Variants in SCGB1D4 observed in about 807,000 individuals in gnomAD.
SCGB1D4 encodes secretoglobin family 1D member 4.
SCGB1D4 carries 6 observed loss-of-function variants against 8.1 expected under a neutral mutation model. The ratio of observed to expected loss-of-function variants is 0.74; its 90% CI spans 0.40 to 1.45. The LOEUF (loss-of-function observed/expected upper bound fraction) is 1.45, where lower values mean the gene tolerates loss of function less well. Among genes scored for constraint, SCGB1D4 ranks in the 40% most tolerant of loss-of-function variants. SCGB1D4 has a pLI of 0.02. For missense variants in SCGB1D4, 93 were observed against 95.0 expected, an observed-to-expected ratio of 0.98 and a Z score of 0.09; for synonymous variants, 34 against 38.1, an observed-to-expected ratio of 0.89 and a Z score of 0.39.
At position 62,299,054 on chromosome 11, in the gene SCGB1D4, T is replaced by C; in HGVS notation, c.-44A>G. ...GAGCTCAGCTTTCACAATGAGTGATTTGGATTCGACTCCAGGAGCCTGTGT... is the reference window on the plus strand; with the variant it reads ...GAGCTCAGCTTTCACAATGAGTGATCTGGATTCGACTCCAGGAGCCTGTGT... On this transcript the variant is annotated 5_prime_UTR_variant, in exon 1 of 3. Transcript: ENST00000358585. 6.2e-7 allele frequency: 1 copy of C among 1,601,682 alleles called. No homozygotes were observed. Among genetic ancestry groups the C allele is most frequent in the Non-Finnish European group, 8.5e-7 (1 of 1,171,530 alleles).
At chr11:62,298,047 T>TGTGTGTGTG (rs1218181621) in intron 1 of SCGB1D4, among the ~76,000 whole-genome samples, 2 of 103,348 alleles carry the variant, frequency 1.9e-5, no homozygotes, top group African/African-American at 7.9e-5. Flanking sequence ...TGTGTGTGTG[T>TGTGTGTGTG]TTTGTTTTGT....
chr11:62,297,625 T>A lies in SCGB1D4; in HGVS notation c.89A>T (p.Glu30Val), dbSNP rs745843502. The A allele has an allele frequency of 1.1e-4, 184 of 1,613,880 alleles. 6 individuals carry two copies. The South Asian group carries it at 1.8e-3, about 16-fold the overall frequency. The change falls in exon 2 of 3, where the codon GAG becomes GTG. Residue 30 changes from glutamate to valine, a missense_variant. Transcript: ENST00000358585. ...HALVCPAVAS[E>V]ITVFLFLSDA... ...ACTTAAGAATAAGAAGACTGTGATC[T>A]CAGAAGCAACAGCTGGGCAGACAAG... is the stretch of plus-strand genomic sequence containing the variant.
chr11:62,298,287 G>A (rs1030109743), intron 1 of SCGB1D4, among the ~76,000 whole-genome samples: 1 of 152,012 alleles, frequency 6.6e-6, no homozygotes, highest in Non-Finnish European at 1.5e-5. Context: ...CAAGGAGGGT[G>A]AGCATTGTGC....
intron 1 of SCGB1D4, among the ~76,000 whole-genome samples, chr11:62,298,041 TGTGTG>T (rs1565139735): frequency 1.3e-4 from 19 of 143,088 alleles, no homozygotes; most frequent in African/African-American, 5.2e-4. Flanking sequence ...TGTGTGTGTG[TGTGTG>T]TTTTGTTTTG....
chr11:62,296,393 C>T lies in SCGB1D4; in HGVS notation c.*17G>A. ...CCAGGTTGAGCATTTTTACATGTCA[C>T]ACACCACATTTTTTCACTATTTCCA... On this transcript the variant is annotated 3_prime_UTR_variant, in exon 3 of 3. Transcript: ENST00000358585. 6.2e-7 allele frequency: 1 copy of T among 1,611,422 alleles called. No homozygotes were observed.
chr11:62,297,357 TC>T, intron 2 of SCGB1D4, 114 bp downstream of exon 2: 1 of 846,144 alleles, frequency 1.2e-6, no homozygotes, highest in Non-Finnish European at 1.9e-6. Context: ...ACTCCCCATG[TC>T]CTCAGCACAC....
chr11:62,299,061 C>A lies in SCGB1D4; in HGVS notation c.-51G>T. On this transcript the variant is annotated 5_prime_UTR_variant, in exon 1 of 3. Coordinates refer to ENST00000358585, the MANE Select transcript of SCGB1D4 (RefSeq NM_206998.2). Reference sequence around the variant, plus strand: ...GCTTTCACAATGAGTGATTTGGATTCGACTCCAGGAGCCTGTGTAGTCATG... The same window carrying A: ...GCTTTCACAATGAGTGATTTGGATTAGACTCCAGGAGCCTGTGTAGTCATG... The A allele has an allele frequency of 6.3e-7, 1 of 1,590,098 alleles. No individual in the cohort carries two copies. Among genetic ancestry groups the A allele is most frequent in the South Asian group, 1.1e-5 (1 of 88,584 alleles).
At chr11:62,298,756 CA>C (rs5792251) in intron 1 of SCGB1D4, among the ~76,000 whole-genome samples, 199 bp downstream of exon 1, 35,751 of 102,026 alleles carry the variant, frequency 0.35, 4,789 homozygotes, top group African/African-American at 0.45. Flanking sequence ...CAAAACTTCT[CA>C]AAAAAAAAAA....
chr11:62,297,768 A>G, intron 1 of SCGB1D4, 110 bp from the exon 2 acceptor site: 3 of 831,984 alleles, frequency 3.6e-6, no homozygotes, highest in Non-Finnish European at 5.6e-6. Flanking sequence ...TTTCTATACC[A>G]TTATTGTGCT....
intron 2 of SCGB1D4, 28 bp from the exon 3 acceptor site, chr11:62,296,447 A>G: frequency 1.9e-6 from 3 of 1,608,776 alleles, no homozygotes; most frequent in Non-Finnish European, 2.5e-6. Context: ...AAAGAAAGAA[A>G]GAAAGGTGAG....
At chr11:62,298,345 C>CGT (rs1945461378) in intron 1 of SCGB1D4, among the ~76,000 whole-genome samples, 1 of 152,124 alleles carries the variant, frequency 6.6e-6, no homozygotes, top group African/African-American at 2.4e-5. Context: ...CACCCCAGAC[C>CGT]TCACATTACA....
rs202097222 is a variant in SCGB1D4 at position 62,298,948 on chromosome 11, G to A, written c.55+8C>T. The stretch of plus-strand genomic sequence containing the variant: ...GGCTGGTGCTGGACTCATGACTGAT[G>A]TACTCACCCTGGTAGCAGCAAAGGG... On this transcript the variant is annotated splice_region_variant and intron_variant, in intron 1 of 2. Coordinates refer to ENST00000358585, the MANE Select transcript of SCGB1D4 (RefSeq NM_206998.2). 3.7e-6 allele frequency: 6 copies of A among 1,613,652 alleles called. No individual in the cohort carries two copies. The highest frequency in any genetic ancestry group is 2.5e-6 in the Non-Finnish European group (3 of 1,179,776).
rs767258743 is a variant in SCGB1D4 at position 62,298,947 on chromosome 11, T to C, written c.55+9A>G. ...GGGCTGGTGCTGGACTCATGACTGA[T>C]GTACTCACCCTGGTAGCAGCAAAGG... On this transcript the variant is annotated intron_variant, in intron 1 of 2. Coordinates refer to ENST00000358585, the MANE Select transcript of SCGB1D4 (RefSeq NM_206998.2). 3 of 1,613,666 alleles carry C rather than the reference T, an allele frequency of 1.9e-6. No individual in the cohort carries two copies.
rs985166763 is a variant in SCGB1D4 at position 62,296,403 on chromosome 11, T to A, written c.*7A>T. ...CATTTTTACATGTCACACACCACAT[T>A]TTTTCACTATTTCCACCTGAAATCA... On this transcript the variant is annotated 3_prime_UTR_variant, in exon 3 of 3. Transcript: ENST00000358585. 1.7e-5 allele frequency: 27 copies of A among 1,611,886 alleles called. No homozygotes were observed. The highest frequency in any genetic ancestry group is 2.1e-5 in the Non-Finnish European group (25 of 1,179,024).
chr11:62,296,537 G>C, intron 2 of SCGB1D4, 118 bp from the exon 3 acceptor site: 2 of 1,002,092 alleles, frequency 2.0e-6, no homozygotes, highest in Non-Finnish European at 3.0e-6. Flanking sequence ...AATTGGAAAG[G>C]CAGAGGCAAG....
chr11:62,298,022 GT>G (rs1945457235), intron 1 of SCGB1D4, among the ~76,000 whole-genome samples: 1 of 146,632 alleles, frequency 6.8e-6, no homozygotes, highest in Non-Finnish European at 1.5e-5. Context: ...GTGTGTGTGT[GT>G]GTGTGTGTGT....
Position 62,297,772 on chromosome 11 carries a change from T to C in SCGB1D4, c.56-114A>G, listed in dbSNP as rs952557161. 4.7e-5 allele frequency: 38 copies of C among 811,340 alleles called. No homozygotes were observed. The Admixed American group carries it at 9.9e-4, about 21-fold the overall frequency. 50.3% of individuals were successfully genotyped at this position (811,340 alleles called of 1,614,324 possible). ...TGGGTTCTATGTTTCTATACCATTA[T>C]TGTGCTGATGACAATACCAGAAACT... is the stretch of plus-strand genomic sequence containing the variant. On this transcript the variant is annotated intron_variant, in intron 1 of 2. Coordinates refer to ENST00000358585, the MANE Select transcript of SCGB1D4 (RefSeq NM_206998.2).
At chr11:62,298,644 G>A (rs1945464076) in intron 1 of SCGB1D4, among the ~76,000 whole-genome samples, 1 of 151,492 alleles carries the variant, frequency 6.6e-6, no homozygotes, top group Non-Finnish European at 1.5e-5. Flanking sequence ...TGTAATCCCA[G>A]CTGCTCAGGA....
chr11:62,296,435 A>AG lies in SCGB1D4; in HGVS notation c.243-17dup. ...CTATTTCCACCTGAAATCAAAAAAA[A>AG]GAAAGAAAGAAAGAAAGGTGAGGTC... On this transcript the variant is annotated splice_polypyrimidine_tract_variant and intron_variant, in intron 2 of 2. Transcript: ENST00000358585. 1 of 1,594,756 alleles carries AG rather than the reference A, an allele frequency of 6.3e-7. No homozygotes were observed.
Sources: gnomAD v4.1 joint callset for allele counts (sites outside exome capture counted in the v4.1 genomes callset) on GRCh38, gnomAD v4.1.1 for gene constraint, MANE v1.5 for transcripts, NCBI Gene and HGNC (gene_info 2026-07-23, HGNC 2026-07-21) for gene names.